MAGI3: variants seen among roughly 807,000 people sequenced by gnomAD.
MAGI3 encodes the protein membrane-associated guanylate kinase, WW and PDZ domain-containing protein 3.
MAGI3 carries 43 observed loss-of-function variants against 121.8 expected under a neutral mutation model. The ratio of observed to expected loss-of-function variants is 0.35; its 90% CI spans 0.28 to 0.46. The LOEUF is 0.46. Among genes scored for constraint, MAGI3 ranks in the 20% least tolerant of loss-of-function variants. The probability of loss-of-function intolerance (pLI) is 1.00; values close to 1 mark genes in which losing one functional copy is unlikely to be tolerated. For synonymous variants in MAGI3, 553 were observed against 639.3 expected, an observed-to-expected ratio of 0.86 and a Z score of 2.04; for missense variants, 1,547 against 1,797.3, an observed-to-expected ratio of 0.86 and a Z score of 2.52.
chr1:113,487,515 TCCA>T (rs1656440747), intron 1 of MAGI3, among the ~76,000 whole-genome samples: 2 of 152,140 alleles, frequency 1.3e-5, no homozygotes, highest in African/African-American at 4.8e-5. Context: ...AGCTTAGTGT[TCCA>T]GTAATGGAAC....
chr1:113,582,902 A>G (rs1340075018), intron 3 of MAGI3, among the ~76,000 whole-genome samples: 2 of 151,734 alleles, frequency 1.3e-5, no homozygotes, highest in Non-Finnish European at 2.9e-5. Context: ...TATTTCTAAT[A>G]CTATTCTGAT....
chr1:113,635,907 T>C (rs1054294170), intron 9 of MAGI3, among the ~76,000 whole-genome samples: 3 of 152,182 alleles, frequency 2.0e-5, no homozygotes, highest in African/African-American at 7.2e-5. Flanking sequence ...TTTCAGAGCC[T>C]GTTATTCGTC....
chr1:113,542,323 G>A (rs1285496692), intron 1 of MAGI3, among the ~76,000 whole-genome samples: 1 of 128,044 alleles, frequency 7.8e-6, no homozygotes, highest in Non-Finnish European at 1.7e-5. Context: ...CATCCCAGGC[G>A]GGATGGAACA....
intron 1 of MAGI3, among the ~76,000 whole-genome samples, chr1:113,527,646 A>G (rs1028458746): frequency 1.3e-5 from 2 of 152,170 alleles, no homozygotes; most frequent in Non-Finnish European, 2.9e-5. Context: ...AAAATCATTC[A>G]TCTATTGAGG....
chr1:113,635,638 T>C (rs1456717813), intron 9 of MAGI3, among the ~76,000 whole-genome samples: 3 of 151,716 alleles, frequency 2.0e-5, no homozygotes, highest in African/African-American at 4.8e-5. Context: ...CAGTATTTTA[T>C]TGAGGATTTT....
Position 113,543,944 on chromosome 1 carries a change from CTAAA to C in MAGI3, c.317-5569_317-5566del, listed in dbSNP as rs1251450884. ...ACACACTAAATCTATAAAAACTAAA[CTAAA>C]TCAATAAAAATAAACCATGGCCTTG... On this transcript the variant is annotated intron_variant, in intron 1 of 20. Coordinates refer to ENST00000307546, the MANE Select transcript of MAGI3 (RefSeq NM_001142782.2). Among the ~76,000 whole-genome samples the C allele has an allele frequency of 5.3e-5, 8 of 151,438 alleles. No homozygotes were observed. The South Asian group carries it at 1.0e-3, about 20-fold the overall frequency.
chr1:113,492,271 A>G (rs1336510529), intron 1 of MAGI3, among the ~76,000 whole-genome samples: 2 of 152,196 alleles, frequency 1.3e-5, no homozygotes, highest in Non-Finnish European at 2.9e-5. Context: ...CAAAATCCAC[A>G]TGATTATCTG....
chr1:113,671,248 C>T (rs935223167), intron 16 of MAGI3, among the ~76,000 whole-genome samples: 2 of 152,114 alleles, frequency 1.3e-5, no homozygotes, highest in African/African-American at 4.8e-5. Context: ...TTCTCAGTGG[C>T]AGGCAAAATA....
intron 9 of MAGI3, among the ~76,000 whole-genome samples, chr1:113,632,962 T>A (rs914009783): frequency 2.0e-5 from 3 of 151,600 alleles, no homozygotes; most frequent in Admixed American, 6.6e-5. Flanking sequence ...TGCAGGTTAG[T>A]TACATATGTA....
At chr1:113,535,970 T>C (rs1232646501) in intron 1 of MAGI3, among the ~76,000 whole-genome samples, 1 of 152,116 alleles carries the variant, frequency 6.6e-6, no homozygotes, top group East Asian at 1.9e-4. Flanking sequence ...TAAATTTACC[T>C]GGTTTCTCAA....
chr1:113,510,082 T>C (rs551212968), intron 1 of MAGI3, among the ~76,000 whole-genome samples: 2 of 152,336 alleles, frequency 1.3e-5, no homozygotes, highest in South Asian at 4.1e-4. Flanking sequence ...AAAATAATTC[T>C]TAAAGATTGT....
intron 1 of MAGI3, among the ~76,000 whole-genome samples, chr1:113,506,783 G>T (rs1221646311): frequency 1.3e-5 from 2 of 152,060 alleles, no homozygotes; most frequent in African/African-American, 4.8e-5. Flanking sequence ...GCAGAAAGAG[G>T]GTGCTTTTAA....
chr1:113,397,599 C>G (rs1299312180), intron 1 of MAGI3, among the ~76,000 whole-genome samples: 1 of 152,040 alleles, frequency 6.6e-6, no homozygotes, highest in Non-Finnish European at 1.5e-5. Context: ...TTATTTTGTA[C>G]AAGGGCACAA....
At chr1:113,599,029 G>C (rs1649199067) in intron 6 of MAGI3, among the ~76,000 whole-genome samples, 1 of 152,086 alleles carries the variant, frequency 6.6e-6, no homozygotes, top group Admixed American at 6.6e-5. Context: ...AGAGATTCTG[G>C]TATGTTGTCT....
intron 1 of MAGI3, among the ~76,000 whole-genome samples, chr1:113,515,168 A>AT (rs869036926): frequency 8.0e-5 from 12 of 150,518 alleles, no homozygotes; most frequent in Admixed American, 2.6e-4. Context: ...GTAAAAAAAA[A>AT]TTTTTTTTTT....
At chr1:113,646,119 T>G (rs1265631513) in intron 11 of MAGI3, among the ~76,000 whole-genome samples, 1 of 152,136 alleles carries the variant, frequency 6.6e-6, no homozygotes, top group East Asian at 1.9e-4. Context: ...TATGAAGATA[T>G]TCTCTGAATC....
In MAGI3 at chr1:113,681,181, G is replaced by A. The variant is rs1394585792; in HGVS notation, c.3190-17G>A. On this transcript the variant is annotated splice_polypyrimidine_tract_variant and intron_variant, in intron 19 of 20. Coordinates refer to ENST00000307546, the MANE Select transcript of MAGI3 (RefSeq NM_001142782.2). ...ATGCATAGTTTCATGTTGTTCCTGT[G>A]AATGTTCTCTGTCTAGGTTGGTGAC... The A allele has an allele frequency of 6.2e-7, 1 of 1,608,938 alleles. No homozygotes were observed. Among genetic ancestry groups the A allele is most frequent in the Non-Finnish European group, 8.5e-7 (1 of 1,178,586 alleles).
At chr1:113,623,854 C>G (rs1447998376) in intron 9 of MAGI3, among the ~76,000 whole-genome samples, 1 of 152,016 alleles carries the variant, frequency 6.6e-6, no homozygotes, top group East Asian at 1.9e-4. Flanking sequence ...CCCACCAACC[C>G]TAACTACCCT....
At chr1:113,435,567 C>A (rs1008884492) in intron 1 of MAGI3, among the ~76,000 whole-genome samples, 9 of 152,062 alleles carry the variant, frequency 5.9e-5, no homozygotes, top group South Asian at 4.1e-4. Context: ...ATGTCATAGT[C>A]ACATCATTTA....
Sources: gnomAD v4.1 joint callset for allele counts (sites outside exome capture counted in the v4.1 genomes callset) on GRCh38, gnomAD v4.1.1 for gene constraint, MANE v1.5 for transcripts, NCBI Gene and HGNC (gene_info 2026-07-23, HGNC 2026-07-21) for gene names.